SBF1: variants seen among roughly 807,000 people sequenced by gnomAD.
SBF1 encodes the protein myotubularin-related protein 5.
In SBF1, 65 loss-of-function variants were observed where a neutral mutation model predicts 215.8. That is an observed-to-expected ratio of 0.30 (90% confidence interval 0.25 to 0.37). The LOEUF (loss-of-function observed/expected upper bound fraction) is 0.37. Among genes scored for constraint, SBF1 ranks in the 10% least tolerant of loss-of-function variants. The pLI, the probability that SBF1 is intolerant of heterozygous loss-of-function variation, is 1.00. For missense variants in SBF1, 2,634 were observed against 2,667.8 expected, an observed-to-expected ratio of 0.99 and a Z score of 0.28; for synonymous variants, 1,410 against 1,122.8, an observed-to-expected ratio of 1.26 and a Z score of -5.11.
intron 1 of SBF1, among the ~76,000 whole-genome samples, chr22:50,473,527 T>C (rs2068066353): frequency 1.3e-5 from 2 of 152,002 alleles, no homozygotes; most frequent in African/African-American, 4.8e-5. Context: ...AGACACACAC[T>C]TGGATAGACA....
chr22:50,466,981 T>C, intron 5 of SBF1: 2 of 557,292 alleles, frequency 3.6e-6, no homozygotes, highest in Non-Finnish European at 3.2e-6. Flanking sequence ...TCCATACCGC[T>C]CCTTCCTCAA....
Position 50,461,791 on chromosome 22 carries a change from CA to C in SBF1, c.2643+4del, listed in dbSNP as rs749254070. ...GCCCCCGCAGCCCCAACGGCCCCCG[CA>C]AACCTTCTGGATGGGCGGCAGCCTC... On this transcript the variant is annotated splice_donor_region_variant and intron_variant, in intron 21 of 40. Coordinates refer to ENST00000380817, the MANE Select transcript of SBF1 (RefSeq NM_002972.4). 2 of 1,613,138 alleles carry C rather than the reference CA, an allele frequency of 1.2e-6. No individual in the cohort carries two copies. The highest frequency in any genetic ancestry group is 1.7e-6 in the Non-Finnish European group (2 of 1,179,876).
chr22:50,467,595 G>C lies in SBF1; in HGVS notation c.375C>G (p.Ala125=). ...HLSPTAPAPS[A]QLFAPKTLVL... Reference sequence around the variant, plus strand: ...CCAGCGTCTTCGGTGCAAACAGCTGGGCAGATGGGGCAGGTGCTGTGGGAG... The same window carrying C: ...CCAGCGTCTTCGGTGCAAACAGCTGCGCAGATGGGGCAGGTGCTGTGGGAG... The change falls in exon 4 of 41, where the codon GCC becomes GCG. Residue 125 remains alanine (A), a synonymous_variant. Coordinates refer to ENST00000380817, the MANE Select transcript of SBF1 (RefSeq NM_002972.4). 2 of 1,614,112 alleles carry C rather than the reference G, an allele frequency of 1.2e-6. No individual in the cohort carries two copies. Among genetic ancestry groups the C allele is most frequent in the Non-Finnish European group, 1.7e-6 (2 of 1,179,978 alleles).
At position 50,467,627 on chromosome 22, in the gene SBF1, G is replaced by A; in HGVS notation, c.343C>T (p.His115Tyr). 3 of 1,614,042 alleles carry A rather than the reference G, an allele frequency of 1.9e-6. 1 individual carries two copies. The highest frequency in any genetic ancestry group is 2.2e-5 in the South Asian group (2 of 91,070). Residue 115 changes from histidine to tyrosine, a missense_variant, in exon 4 of 41, where the codon CAC becomes TAC. Physicochemically the swap from His to Tyr is moderately conservative, Grantham distance 83. Transcript: ENST00000380817. Reference sequence around the variant, plus strand: ...GGGGCAGGTGCTGTGGGAGACAGGTGGGTCTGGCCTCCCTCATCCCCCTCT... The same window carrying A: ...GGGGCAGGTGCTGTGGGAGACAGGTAGGTCTGGCCTCCCTCATCCCCCTCT... Reference protein sequence around the residue: ...EEEGDEGGQTHLSPTAPAPSA... With the variant: ...EEEGDEGGQTYLSPTAPAPSA...
chr22:50,455,635 GCCAC>G, intron 31 of SBF1, 53 bp from the exon 32 acceptor site: 1 of 1,459,782 alleles, frequency 6.9e-7, no homozygotes, highest in Non-Finnish European at 9.4e-7. Flanking sequence ...CTCCCGCCTG[GCCAC>G]TCACCAGGCC....
Position 50,467,925 on chromosome 22 carries a change from T to TGCAG in SBF1, c.142-6_142-3dup, listed in dbSNP as rs1200119335. 10 of 1,613,608 alleles carry TGCAG rather than the reference T, an allele frequency of 6.2e-6. No homozygotes were observed. Among genetic ancestry groups the TGCAG allele is most frequent in the Non-Finnish European group, 8.5e-6 (10 of 1,179,848 alleles). The stretch of plus-strand genomic sequence containing the variant: ...CTGCCACCCGCTGGGCTGGCAAAAC[T>TGCAG]GCAGGGAAGGCTCAGCAGTCAGCTC... On this transcript the variant is annotated splice_region_variant and splice_polypyrimidine_tract_variant and intron_variant, in intron 2 of 40. Transcript: ENST00000380817.
At chr22:50,448,116 G>A in intron 38 of SBF1, 117 bp downstream of exon 38, 1 of 910,796 alleles carries the variant, frequency 1.1e-6, no homozygotes, top group South Asian at 1.5e-5. Flanking sequence ...TCCCAGTGGT[G>A]GTGTATACTT....
Position 50,459,368 on chromosome 22 carries a change from C to T in SBF1, c.3713G>A (p.Ser1238Asn), listed in dbSNP as rs768066529. ...CTGCAGGTACTTCTCCTGCTCCAGG[C>T]TACTCGAGTCCGCCTGGGACTGGCC... ...SPGQSQADSS[S>N]LEQEKYLQAV... The change falls in exon 28 of 41, where the codon AGC becomes AAC. Residue 1238 changes from serine (S) to asparagine (N), a missense_variant. Transcript: ENST00000380817. The T allele has an allele frequency of 1.2e-6, 2 of 1,612,526 alleles. No individual in the cohort carries two copies. The highest frequency in any genetic ancestry group is 1.3e-5 in the African/African-American group (1 of 75,038).
Position 50,462,733 on chromosome 22 carries a change from G to C in SBF1, c.1969-16C>G. On this transcript the variant is annotated splice_polypyrimidine_tract_variant and intron_variant, in intron 17 of 40. Transcript: ENST00000380817. ...GGCTCAGCTTCTGCAGGAGCCAGGGGAGAAGGTCAGCTGGATGCAGCCAGG... is the reference window on the plus strand; with the variant it reads ...GGCTCAGCTTCTGCAGGAGCCAGGGCAGAAGGTCAGCTGGATGCAGCCAGG... 1 of 1,610,798 alleles carries C rather than the reference G, an allele frequency of 6.2e-7. No individual in the cohort carries two copies. The highest frequency in any genetic ancestry group is 1.1e-5 in the South Asian group (1 of 90,600).
At chr22:50,455,446 G>C in intron 32 of SBF1, 35 bp downstream of exon 32, 1 of 1,612,374 alleles carries the variant, frequency 6.2e-7, no homozygotes, top group Non-Finnish European at 8.5e-7. Flanking sequence ...AGGAGCCCGG[G>C]AGCCTGGCCC....
Position 50,461,731 on chromosome 22 carries a change from A to G in SBF1, c.2644-13T>C. ...GCAGCAGCTTGGGCTGCTCGAAAAC[A>G]AGAGCAGGAGCTCAGGATGCAGCCC... On this transcript the variant is annotated splice_polypyrimidine_tract_variant and intron_variant, in intron 21 of 40. Coordinates refer to ENST00000380817, the MANE Select transcript of SBF1 (RefSeq NM_002972.4). 1 of 1,609,326 alleles carries G rather than the reference A, an allele frequency of 6.2e-7. No individual in the cohort carries two copies. The highest frequency in any genetic ancestry group is 8.5e-7 in the Non-Finnish European group (1 of 1,177,834).
rs2066849351 is a variant in SBF1 at position 50,446,971 on chromosome 22, G to C, written c.*171C>G. 1 of 720,276 alleles carries C rather than the reference G, an allele frequency of 1.4e-6. No individual in the cohort carries two copies. Among genetic ancestry groups the C allele is most frequent in the African/African-American group, 1.7e-5 (1 of 57,522 alleles). 44.6% of individuals were successfully genotyped at this position (720,276 alleles called of 1,614,324 possible). On this transcript the variant is annotated 3_prime_UTR_variant, in exon 41 of 41. Transcript: ENST00000380817. ...TCAGCTGTGACGCCAAAATAAGTTA[G>C]GGCCGGCCGGGCGGGGCGGGGCGGG...
intron 16 of SBF1, 134 bp downstream of exon 16, chr22:50,463,149 G>T: frequency 7.9e-7 from 1 of 1,272,000 alleles, no homozygotes; most frequent in Non-Finnish European, 1.1e-6. Flanking sequence ...GTTCCCTGCA[G>T]ACCGAGGACC....
intron 28 of SBF1, 146 bp from the exon 29 acceptor site, chr22:50,457,257 A>C (rs1051258933): frequency 6.7e-6 from 4 of 593,548 alleles, no homozygotes; most frequent in Non-Finnish European, 1.1e-5. Flanking sequence ...TGATCGCAGG[A>C]AAGTGGGAAG....
rs374299843 is a variant in SBF1 at position 50,466,400 on chromosome 22, G to C, written c.738C>G (p.Leu246=). 4.5e-6 allele frequency: 7 copies of C among 1,553,750 alleles called. No individual in the cohort carries two copies. In the African/African-American group the frequency reaches 9.6e-5, roughly 21 times the overall value. Residue 246 remains leucine (L), a synonymous_variant, in exon 7 of 41, where the codon CTC becomes CTG. Transcript: ENST00000380817. ...CCAGGAGGCCCCTACAGGCATCGGC[G>C]AGCCGCTGGTAGCTCCGGGACAGGA... is the stretch of plus-strand genomic sequence containing the variant. ...VLFLSRSYQR[L]ADACRGLLAL... is the part of the protein sequence containing the mutation.
At position 50,474,930 on chromosome 22, in the gene SBF1, C is replaced by T; in HGVS notation, c.-90G>A. On this transcript the variant is annotated 5_prime_UTR_variant, in exon 1 of 41. Transcript: ENST00000380817. ...GCGCGCTCATGGCCCGGCCCCGGCC[C>T]TGGACCGCGCACCCCGGACACCCCT... 2 of 958,234 alleles carry T rather than the reference C, an allele frequency of 2.1e-6. No individual in the cohort carries two copies. Among genetic ancestry groups the T allele is most frequent in the Non-Finnish European group, 2.7e-6 (2 of 737,510 alleles). The allele number at this position is 958,234 out of a possible 1,614,324, so 59.4% of individuals were successfully genotyped here.
intron 1 of SBF1, among the ~76,000 whole-genome samples, chr22:50,469,075 G>A (rs1336361174): frequency 6.6e-6 from 1 of 152,198 alleles, no homozygotes; most frequent in Admixed American, 6.5e-5. Context: ...TAGAACACCA[G>A]CCCCACAGCC....
At chr22:50,456,751 A>G (rs1380106958) in intron 29 of SBF1, 78 bp from the exon 30 acceptor site, 3 of 1,299,220 alleles carry the variant, frequency 2.3e-6, no homozygotes, top group Non-Finnish European at 3.1e-6. Context: ...CCCGGCCTCC[A>G]GGGAGGGGGC....
chr22:50,456,438 C>T, intron 30 of SBF1, 43 bp from the exon 31 acceptor site: 1 of 1,594,728 alleles, frequency 6.3e-7, no homozygotes, highest in Non-Finnish European at 8.5e-7. Context: ...CATGAGGCCC[C>T]AAGCCCCCTG....
Sources: gnomAD v4.1 joint callset for allele counts (sites outside exome capture counted in the v4.1 genomes callset) on GRCh38, gnomAD v4.1.1 for gene constraint, MANE v1.5 for transcripts, NCBI Gene and HGNC (gene_info 2026-07-23, HGNC 2026-07-21) for gene names.